SH2D1B: variants seen among roughly 807,000 people sequenced by gnomAD.
The protein encoded by SH2D1B is SH2 domain containing 1B.
A neutral mutation model predicts 16.3 loss-of-function variants in SH2D1B; 11 were observed. That is an observed-to-expected ratio of 0.67 (90% CI 0.42 to 1.11). The LOEUF (loss-of-function observed/expected upper bound fraction) is 1.11, where lower values mean the gene tolerates loss of function less well. SH2D1B is among the 50% of genes most tolerant of loss of function. The pLI is 0.00. For missense variants in SH2D1B, 123 were observed against 153.1 expected, an observed-to-expected ratio of 0.80 and a Z score of 1.04; for synonymous variants, 55 against 56.1, an observed-to-expected ratio of 0.98 and a Z score of 0.09.
chr1:162,405,647 T>G (rs578259130), intron 1 of SH2D1B, among the ~76,000 whole-genome samples: 19 of 152,340 alleles, frequency 1.2e-4, no homozygotes, highest in African/African-American at 4.6e-4. Flanking sequence ...TGATACCCAG[T>G]GGAGCCTACC....
intron 1 of SH2D1B, among the ~76,000 whole-genome samples, chr1:162,405,187 T>A (rs774403682): frequency 3.9e-5 from 6 of 152,262 alleles, no homozygotes; most frequent in Non-Finnish European, 7.3e-5. Flanking sequence ...ACTCTATGAT[T>A]TGATTTACAT....
intron 1 of SH2D1B, among the ~76,000 whole-genome samples, chr1:162,407,358 C>A (rs1414688537): frequency 6.6e-6 from 1 of 152,114 alleles, no homozygotes; most frequent in African/African-American, 2.4e-5. Flanking sequence ...CCTGCTTGGG[C>A]ATTTTATAAC....
chr1:162,402,621 A>G, intron 2 of SH2D1B, 118 bp downstream of exon 2: 1 of 807,010 alleles, frequency 1.2e-6, no homozygotes, highest in Non-Finnish European at 2.1e-6. Flanking sequence ...TCATCTCTGC[A>G]TTGTGCTTTC....
At position 162,395,747 on chromosome 1, in the gene SH2D1B, C is replaced by A. The variant is rs1401875231; in HGVS notation, c.*1533G>T. The A allele has an allele frequency of 6.6e-6, 1 of 152,158 alleles. No homozygotes were observed. The highest frequency in any genetic ancestry group is 1.5e-5 in the Non-Finnish European group (1 of 68,028). The allele number at this position is 152,158 out of a possible 1,614,324, so 9.4% of individuals were successfully genotyped here. ...GTAATAAAACATAAGATATCATTTA[C>A]AGCAACTAGAAATAGGAATTAATCT... is the stretch of plus-strand genomic sequence containing the variant. On this transcript the variant is annotated 3_prime_UTR_variant, in exon 4 of 4. Transcript: ENST00000367929.
In SH2D1B at chr1:162,403,488, G is replaced by GAAAAAA. The variant is rs1172751501; in HGVS notation, c.135-692_135-687dup. Among the ~76,000 whole-genome samples, 43 of 20,676 alleles carry GAAAAAA rather than the reference G, an allele frequency of 2.1e-3. 4 individuals are homozygous for GAAAAAA. The highest frequency in any genetic ancestry group is 5.4e-3 in the African/African-American group (38 of 6,992). 13.6% of individuals were successfully genotyped at this position (20,676 alleles called of 152,430 possible). A position where few individuals can be genotyped will look rare whatever the true frequency, so the allele number is the denominator to read the frequency against. ...TGGGCGACAGAGCGAGACTCTGTCT[G>GAAAAAA]AAAAAAAAAAAAAAAAAAAAAAAAT... On this transcript the variant is annotated intron_variant, in intron 1 of 3. Transcript: ENST00000367929.
chr1:162,412,088 G>C lies in SH2D1B; in HGVS notation c.-72C>G. 6.3e-7 allele frequency: 1 copy of C among 1,593,092 alleles called. No homozygotes were observed. The highest frequency in any genetic ancestry group is 1.1e-5 in the South Asian group (1 of 90,384). On this transcript the variant is annotated 5_prime_UTR_variant, in exon 1 of 4. Coordinates refer to ENST00000367929, the MANE Select transcript of SH2D1B (RefSeq NM_053282.5). Reference sequence around the variant, plus strand: ...CCCCCAAGTCAAGGGACAGCTCTGAGGAGAGATGTGTAAGCAGCTGTACCT... The same window carrying C: ...CCCCCAAGTCAAGGGACAGCTCTGACGAGAGATGTGTAAGCAGCTGTACCT...
chr1:162,407,851 G>A (rs74116721), intron 1 of SH2D1B, among the ~76,000 whole-genome samples: 2,677 of 152,240 alleles, frequency 0.018, 84 homozygotes, highest in African/African-American at 0.06. Flanking sequence ...CAGAAACATT[G>A]CCAGTAGTAT....
intron 3 of SH2D1B, among the ~76,000 whole-genome samples, chr1:162,397,949 G>T (rs1471529353): frequency 6.6e-6 from 1 of 152,174 alleles, no homozygotes; most frequent in African/African-American, 2.4e-5. Context: ...TACATCTGCA[G>T]CTGGACCTAT....
intron 2 of SH2D1B, among the ~76,000 whole-genome samples, chr1:162,400,823 C>T (rs1238061628): frequency 6.6e-6 from 1 of 152,056 alleles, no homozygotes; most frequent in Non-Finnish European, 1.5e-5. Flanking sequence ...GTAGCAGACG[C>T]CTGTAATCCC....
At chr1:162,399,162 G>C in intron 2 of SH2D1B, 75 bp from the exon 3 acceptor site, 1 of 1,414,892 alleles carries the variant, frequency 7.1e-7, no homozygotes, top group East Asian at 2.3e-5. Context: ...TCAAAGCAGT[G>C]GGTTTTCAGG....
intron 1 of SH2D1B, among the ~76,000 whole-genome samples, chr1:162,403,224 C>T (rs1199201716): frequency 6.6e-6 from 1 of 152,040 alleles, no homozygotes; most frequent in Non-Finnish European, 1.5e-5. Flanking sequence ...GGTGCCGTGG[C>T]TCACGCCTGT....
intron 1 of SH2D1B, 26 bp downstream of exon 1, chr1:162,411,857 G>T (rs779422693): frequency 1.1e-5 from 18 of 1,613,830 alleles, no homozygotes; most frequent in Non-Finnish European, 1.5e-5. Flanking sequence ...TACGATGTCA[G>T]ATGTGTGCAA....
rs35688243 is a variant in SH2D1B at position 162,411,910 on chromosome 1, A to G, written c.107T>C (p.Ile36Thr). 2.6e-3 allele frequency: 4,220 copies of G among 1,614,172 alleles called. 91 individuals are homozygous for G. The African/African-American group carries it at 0.048, about 18-fold the overall frequency. Reference sequence around the variant, plus strand: ...GACACAGAGGCACAGGACTCCTGGTATCGACTCGCTGTCTCTTAAAAGAAA... The same window carrying G: ...GACACAGAGGCACAGGACTCCTGGTGTCGACTCGCTGTCTCTTAAAAGAAA... ...GNFLLRDSES[I>T]PGVLCLCVSF... is the part of the protein sequence containing the mutation. Residue 36 changes from isoleucine to threonine, a missense_variant, in exon 1 of 4, where the codon ATA becomes ACA. Coordinates refer to ENST00000367929, the MANE Select transcript of SH2D1B (RefSeq NM_053282.5).
Position 162,408,500 on chromosome 1 carries a change from C to T in SH2D1B, c.134+3383G>A, listed in dbSNP as rs367887649. 1.5e-3 allele frequency among the ~76,000 whole-genome samples: 228 copies of T among 150,948 alleles called. 3 individuals are homozygous for T. In the Middle Eastern group the frequency reaches 0.038, roughly 25 times the overall value. On this transcript the variant is annotated intron_variant, in intron 1 of 3. Coordinates refer to ENST00000367929, the MANE Select transcript of SH2D1B (RefSeq NM_053282.5). ...CGATCTTGGCTCACTGCAACCTCCG[C>T]CTCCTGGGTTCAAGCAATTCTCCTG... is the stretch of plus-strand genomic sequence containing the variant.
intron 1 of SH2D1B, 34 bp downstream of exon 1, chr1:162,411,849 C>T (rs745449600): frequency 2.2e-5 from 36 of 1,613,118 alleles, no homozygotes; most frequent in Admixed American, 6.7e-5. Context: ...ATTCAACATA[C>T]GATGTCAGAT....
rs1648376227 is a variant in SH2D1B at position 162,396,348 on chromosome 1, A to G, written c.*932T>C. 6.6e-6 allele frequency: 1 copy of G among 152,204 alleles called. No homozygotes were observed. The highest frequency in any genetic ancestry group is 2.1e-4 in the South Asian group (1 of 4,822). 9.4% of individuals were successfully genotyped at this position (152,204 alleles called of 1,614,324 possible). Reference sequence around the variant, plus strand: ...CAATTTCAGTAAACCTTAAAAACCAATTCAACAAACCTCCCTCAGCAATGT... The same window carrying G: ...CAATTTCAGTAAACCTTAAAAACCAGTTCAACAAACCTCCCTCAGCAATGT... On this transcript the variant is annotated 3_prime_UTR_variant, in exon 4 of 4. Transcript: ENST00000367929.
At chr1:162,403,511 A>AAAAAAAAAAAAATAT (rs1648579325) in intron 1 of SH2D1B, among the ~76,000 whole-genome samples, 2 of 42,038 alleles carry the variant, frequency 4.8e-5, no homozygotes, top group East Asian at 8.0e-4. Context: ...AAAAAAAAAA[A>AAAAAAAAAAAAATAT]ATATATATAT....
intron 1 of SH2D1B, among the ~76,000 whole-genome samples, chr1:162,407,289 A>G (rs1648674670): frequency 6.6e-6 from 1 of 152,210 alleles, no homozygotes; most frequent in African/African-American, 2.4e-5. Context: ...ACCCATTTTA[A>G]TGCAGCAGAG....
chr1:162,396,305 C>G lies in SH2D1B; in HGVS notation c.*975G>C, dbSNP rs1442933045. ...GGTCCTAATTCACATTTTGAACTAG[C>G]AGAAAAATTCAGCAAATCAATTTCA... On this transcript the variant is annotated 3_prime_UTR_variant, in exon 4 of 4. Coordinates refer to ENST00000367929, the MANE Select transcript of SH2D1B (RefSeq NM_053282.5). 6.6e-6 allele frequency: 1 copy of G among 152,196 alleles called. No homozygotes were observed. Among genetic ancestry groups the G allele is most frequent in the Non-Finnish European group, 1.5e-5 (1 of 68,034 alleles). The allele number at this position is 152,196 out of a possible 1,614,324, so 9.4% of individuals were successfully genotyped here.
Sources: allele counts gnomAD v4.1 joint callset (sites outside exome capture counted in the v4.1 genomes callset), GRCh38; gene constraint gnomAD v4.1.1; transcripts MANE v1.5; gene names NCBI Gene and HGNC (gene_info 2026-07-23, HGNC 2026-07-21).